Variants in RNF123 observed in about 807,000 individuals in gnomAD.
RNF123 encodes the protein ring finger protein 123.
Under a neutral mutation model 168.5 loss-of-function variants are expected in RNF123, and 86 were observed. The observed-to-expected ratio is 0.51, with a 90% CI of 0.43 to 0.61. The LOEUF is 0.61. Among genes scored for constraint, RNF123 ranks in the 20% least tolerant of loss-of-function variants. The pLI is 0.00. For missense variants in RNF123, 1,419 were observed against 1,729.7 expected (o/e 0.82, Z 3.19); for synonymous variants, 666 against 689.1 (o/e 0.97, Z 0.52).
chr3:49,719,435 G>A (rs755387386), intron 35 of RNF123: 1 of 1,613,362 alleles, frequency 6.2e-7, no homozygotes, highest in Non-Finnish European at 8.5e-7. Context: ...AGCATGCAGA[G>A]CAGTGTCCCC....
At chr3:49,693,159 C>T (rs1022863977) in intron 3 of RNF123, among the ~76,000 whole-genome samples, 5 of 151,292 alleles carry the variant, frequency 3.3e-5, no homozygotes, top group South Asian at 2.1e-4. Context: ...TGCCATTCTT[C>T]TGCCTCAGCC....
At chr3:49,712,244 T>C (rs2080157715) in intron 26 of RNF123, among the ~76,000 whole-genome samples, 1 of 151,838 alleles carries the variant, frequency 6.6e-6, no homozygotes, top group African/African-American at 2.4e-5. Context: ...CTTACAAATA[T>C]GCTGACCAGA....
chr3:49,699,647 C>T lies in RNF123; in HGVS notation c.880-21C>T, dbSNP rs1245552637. On this transcript the variant is annotated intron_variant, in intron 11 of 38. Coordinates refer to ENST00000327697, the MANE Select transcript of RNF123 (RefSeq NM_022064.5). This position sits in a 1 kb window ranked among gnomAD's most constrained non-coding sequence, Gnocchi z 4.8. Reference sequence around the variant, plus strand: ...ACAGCCTCCTGCCCCTCACACTTCTCCCTCCTCCCCCTCCACACAGGAGGG... The same window carrying T: ...ACAGCCTCCTGCCCCTCACACTTCTTCCTCCTCCCCCTCCACACAGGAGGG... 1.9e-6 allele frequency: 3 copies of T among 1,613,172 alleles called. No homozygotes were observed. The highest frequency in any genetic ancestry group is 2.5e-6 in the Non-Finnish European group (3 of 1,179,490).
At chr3:49,700,184 G>A (rs757647310) in intron 12 of RNF123, 43 bp from the exon 13 acceptor site, 2 of 1,611,206 alleles carry the variant, frequency 1.2e-6, no homozygotes, top group East Asian at 4.5e-5. Flanking sequence ...GCCTTGACCA[G>A]AGTGGAAGGC....
Position 49,720,589 on chromosome 3 carries a change from A to G in RNF123, c.3579A>G (p.Pro1193=). 1.2e-6 allele frequency: 2 copies of G among 1,611,966 alleles called. No individual in the cohort carries two copies. The highest frequency in any genetic ancestry group is 1.1e-5 in the South Asian group (1 of 90,872). The change falls in exon 36 of 39, where the codon CCA becomes CCG. Residue 1193 remains proline (P), a synonymous_variant. Coordinates refer to ENST00000327697, the MANE Select transcript of RNF123 (RefSeq NM_022064.5). The part of the protein sequence containing the change: ...LRSICYLLGQ[P]EPPAPGTALP... Reference sequence around the variant, plus strand: ...CAATATGCTATCTCCTGGGACAGCCAGAGCCCCCAGCACCTGGCACTGCTC... The same window carrying G: ...CAATATGCTATCTCCTGGGACAGCCGGAGCCCCCAGCACCTGGCACTGCTC...
intron 35 of RNF123, chr3:49,718,886 G>C: frequency 6.2e-6 from 10 of 1,613,618 alleles, no homozygotes; most frequent in Non-Finnish European, 8.5e-6. Context: ...TGTCCCAGCC[G>C]GTTGGAGGAG....
intron 35 of RNF123, chr3:49,717,903 G>A (rs1438500970): frequency 6.4e-7 from 1 of 1,566,756 alleles, no homozygotes; most frequent in South Asian, 1.2e-5. Flanking sequence ...CAGGGAGCAG[G>A]GCGAGCAGCA....
At chr3:49,708,039 T>C (rs534461485) in intron 26 of RNF123, among the ~76,000 whole-genome samples, 4 of 152,124 alleles carry the variant, frequency 2.6e-5, no homozygotes, top group African/African-American at 9.6e-5. Flanking sequence ...CAGGCTGGAC[T>C]GCAATGGCAT....
At chr3:49,717,169 G>A (rs2080265489) in intron 35 of RNF123, 1 of 153,300 alleles carries the variant, frequency 6.5e-6, no homozygotes, top group African/African-American at 2.4e-5. Flanking sequence ...CCTTCACTGT[G>A]TCTTGTGAGC....
intron 31 of RNF123, 115 bp from the exon 32 acceptor site, chr3:49,715,460 T>G (rs1203285906): frequency 3.9e-6 from 5 of 1,293,126 alleles, no homozygotes; most frequent in Non-Finnish European, 5.4e-6. Context: ...TGAGCATTCC[T>G]AGGGAGCCAT....
intron 22 of RNF123, 37 bp from the exon 23 acceptor site, chr3:49,704,947 A>G: frequency 6.4e-7 from 1 of 1,560,362 alleles, no homozygotes; most frequent in Non-Finnish European, 8.7e-7. Context: ...GGGAACCCTG[A>G]GCCAGCCCTG....
rs996963298 is a variant in RNF123 at position 49,716,684 on chromosome 3, C to G, written c.3500+207C>G. 7 of 526,896 alleles carry G rather than the reference C, an allele frequency of 1.3e-5. 1 individual carries two copies. Among genetic ancestry groups the G allele is most frequent in the Admixed American group, 1.3e-4 (4 of 30,280 alleles). 32.6% of individuals were successfully genotyped at this position (526,896 alleles called of 1,614,324 possible). A position where few individuals can be genotyped will look rare whatever the true frequency, so the allele number is the denominator to read the frequency against. On this transcript the variant is annotated intron_variant, in intron 35 of 38. Coordinates refer to ENST00000327697, the MANE Select transcript of RNF123 (RefSeq NM_022064.5). ...TAAGTAGGAGAATCTGGGACCCCAGCAGGACAGGTGGCCCTGGCCCACAGA... is the reference window on the plus strand; with the variant it reads ...TAAGTAGGAGAATCTGGGACCCCAGGAGGACAGGTGGCCCTGGCCCACAGA...
At chr3:49,696,070 C>A (rs1452671069) in intron 3 of RNF123, among the ~76,000 whole-genome samples, 1 of 152,308 alleles carries the variant, frequency 6.6e-6, no homozygotes, top group African/African-American at 2.4e-5. Flanking sequence ...AACACAGACT[C>A]CCCTGGCTGG....
intron 35 of RNF123, chr3:49,718,268 G>A (rs201620892): frequency 1.3e-5 from 21 of 1,612,772 alleles, no homozygotes; most frequent in Admixed American, 1.2e-4. Context: ...AACAGGTAGA[G>A]CAGCACGAGC....
intron 5 of RNF123, among the ~76,000 whole-genome samples, chr3:49,697,674 C>T (rs2054295114): frequency 2.0e-5 from 3 of 152,234 alleles, no homozygotes; most frequent in Non-Finnish European, 4.4e-5. Context: ...CCCTTCCCAG[C>T]ACAGCCCTGA....
rs751672399 is a variant in RNF123 at position 49,713,723 on chromosome 3, G to A, written c.2750-15G>A. On this transcript the variant is annotated splice_polypyrimidine_tract_variant and intron_variant, in intron 28 of 38. Transcript: ENST00000327697. ...TCATGCCAAGCCCCTGCTGAGGCAC[G>A]GTGTGTCCCCGCAGACATCCGAGAC... 15 of 1,590,392 alleles carry A rather than the reference G, an allele frequency of 9.4e-6. No individual in the cohort carries two copies. The Middle Eastern group carries it at 6.6e-4, about 70-fold the overall frequency.
intron 31 of RNF123, among the ~76,000 whole-genome samples, chr3:49,714,449 C>G (rs1471461123): frequency 1.3e-5 from 2 of 152,228 alleles, no homozygotes; most frequent in Admixed American, 6.5e-5. Context: ...TGGTGAGAGG[C>G]GGCACCATGT....
At position 49,713,890 on chromosome 3, in the gene RNF123, T is replaced by G; in HGVS notation, c.2838-20T>G. ...ACCATGCCCAGCCTCACCCCGTCTCTCCCCTCCTTGCCCTCACAGGCGTAT... is the reference window on the plus strand; with the variant it reads ...ACCATGCCCAGCCTCACCCCGTCTCGCCCCTCCTTGCCCTCACAGGCGTAT... On this transcript the variant is annotated intron_variant, in intron 29 of 38. Transcript: ENST00000327697. The G allele has an allele frequency of 6.2e-7, 1 of 1,613,204 alleles. No individual in the cohort carries two copies. Among genetic ancestry groups the G allele is most frequent in the South Asian group, 1.1e-5 (1 of 91,060 alleles).
In RNF123 at chr3:49,706,874, G is replaced by C; in HGVS notation, c.2472G>C (p.Trp824Cys). ...ACCACCTGAGCCGCCGTCTTGCCTG[G>C]GTCCATGCCACTGTCTACTCCCAGG... is the stretch of plus-strand genomic sequence containing the variant. ...KLDHLSRRLAWVHATVYSQEK... is the reference protein window; with the variant it reads ...KLDHLSRRLACVHATVYSQEK... The change falls in exon 26 of 39, where the codon TGG becomes TGC. Residue 824 changes from tryptophan to cysteine, a missense_variant. This residue lies in a region of RNF123 where 538 missense variants were observed against 708.8 expected (regional missense o/e 0.76). Coordinates refer to ENST00000327697, the MANE Select transcript of RNF123 (RefSeq NM_022064.5). 1 of 1,614,132 alleles carries C rather than the reference G, an allele frequency of 6.2e-7. No individual in the cohort carries two copies. The highest frequency in any genetic ancestry group is 1.1e-5 in the South Asian group (1 of 91,084).
Sources: allele counts gnomAD v4.1 joint callset (sites outside exome capture counted in the v4.1 genomes callset), GRCh38; gene constraint gnomAD v4.1.1; regional missense constraint gnomAD v4.1.1; non-coding constraint Gnocchi (gnomAD v3.1); transcripts MANE v1.5; gene names NCBI Gene and HGNC (gene_info 2026-07-23, HGNC 2026-07-21).